The following YEATS2 variants were observed in gnomAD, a reference collection of about 807,000 sequenced individuals.
YEATS2 encodes the protein YEATS domain containing 2.
In YEATS2, 77 loss-of-function variants were observed where a neutral mutation model predicts 163.2. The ratio of observed to expected loss-of-function variants is 0.47; its 90% CI spans 0.39 to 0.57. The LOEUF (loss-of-function observed/expected upper bound fraction) is 0.57, where lower values mean the gene tolerates loss of function less well. YEATS2 is among the 20% of genes least tolerant of loss of function. YEATS2 has a pLI of 0.00. For synonymous variants in YEATS2, 631 were observed against 645.1 expected, an observed-to-expected ratio of 0.98 and a Z score of 0.33; for missense variants, 1,549 against 1,729.8, an observed-to-expected ratio of 0.90 and a Z score of 1.85.
intron 4 of YEATS2, among the ~76,000 whole-genome samples, chr3:183,719,292 T>TG (rs1716249829): frequency 6.6e-6 from 1 of 151,790 alleles, no homozygotes; most frequent in Non-Finnish European, 1.5e-5. Flanking sequence ...TGCGCCACCA[T>TG]GCCTGGCTAA....
At chr3:183,808,876 A>G (rs1479866402) in intron 29 of YEATS2, 4 of 490,276 alleles carry the variant, frequency 8.2e-6, no homozygotes, top group Non-Finnish European at 1.5e-5. Context: ...AATAAATAGA[A>G]TAATGTCTGA....
At chr3:183,773,416 G>C (rs1329585753) in intron 16 of YEATS2, among the ~76,000 whole-genome samples, 1 of 152,158 alleles carries the variant, frequency 6.6e-6, no homozygotes, top group African/African-American at 2.4e-5. Flanking sequence ...CAGATATAAA[G>C]AGCCTCTGGC....
chr3:183,785,916 T>G (rs1449120203), intron 19 of YEATS2, among the ~76,000 whole-genome samples: 10 of 152,224 alleles, frequency 6.6e-5, no homozygotes, highest in Admixed American at 5.2e-4. Context: ...TTACTTGTTC[T>G]ATATTGGGGT....
intron 23 of YEATS2, among the ~76,000 whole-genome samples, chr3:183,800,043 A>G (rs1725520499): frequency 6.6e-6 from 1 of 152,006 alleles, no homozygotes; most frequent in African/African-American, 2.4e-5. Flanking sequence ...CATGTTAGCC[A>G]GGATGGTCTT....
Position 183,756,981 on chromosome 3 carries a change from G to A in YEATS2, c.1552+292G>A, listed in dbSNP as rs201890488. On this transcript the variant is annotated intron_variant, in intron 12 of 30. Transcript: ENST00000305135. ...TTTTGTTTTCATTTGGAAGACTTAC[G>A]CTTTGGGGGACTGTAAGCAATGTGG... 2.2e-4 allele frequency among the ~76,000 whole-genome samples: 34 copies of A among 152,256 alleles called. 1 individual carries two copies. The East Asian group carries it at 6.4e-3, about 28-fold the overall frequency.
intron 8 of YEATS2, among the ~76,000 whole-genome samples, chr3:183,742,596 A>G (rs1050427589): frequency 2.0e-5 from 3 of 152,228 alleles, no homozygotes; most frequent in Admixed American, 2.0e-4. Context: ...AAGCAAAGTA[A>G]GTGGCTTCTT....
chr3:183,789,668 T>C (rs1368114885), intron 20 of YEATS2, among the ~76,000 whole-genome samples: 1 of 150,664 alleles, frequency 6.6e-6, no homozygotes, highest in African/African-American at 2.4e-5. Context: ...CCTGAGTAGC[T>C]GAGATTACAG....
chr3:183,806,726 T>C (rs975235834), intron 27 of YEATS2, 140 bp from the exon 28 acceptor site: 9 of 768,698 alleles, frequency 1.2e-5, no homozygotes, highest in African/African-American at 1.1e-4. Context: ...TCATTATAGA[T>C]CCATAGAATG....
chr3:183,787,342 G>T (rs958062320), intron 20 of YEATS2, among the ~76,000 whole-genome samples: 2 of 151,962 alleles, frequency 1.3e-5, no homozygotes, highest in Non-Finnish European at 2.9e-5. Context: ...GATATACAAG[G>T]GTTCCAGTTT....
At chr3:183,730,070 T>TG (rs1717602691) in intron 7 of YEATS2, among the ~76,000 whole-genome samples, 1 of 114,234 alleles carries the variant, frequency 8.8e-6, no homozygotes, top group Non-Finnish European at 1.8e-5. Flanking sequence ...TTTTTTTTTT[T>TG]TTTTTTTTTT....
intron 1 of YEATS2, among the ~76,000 whole-genome samples, chr3:183,703,448 A>G (rs1240641544): frequency 6.6e-6 from 1 of 152,144 alleles, no homozygotes; most frequent in Admixed American, 6.6e-5. Context: ...CTGTCCTTTA[A>G]TAGAGGTTGG....
chr3:183,759,483 C>T (rs1721119091), intron 13 of YEATS2, among the ~76,000 whole-genome samples: 1 of 152,048 alleles, frequency 6.6e-6, no homozygotes. Context: ...CTTTTGGACA[C>T]CTCTCTCTCT....
intron 12 of YEATS2, among the ~76,000 whole-genome samples, chr3:183,758,066 G>A (rs1328717349): frequency 6.6e-6 from 1 of 152,040 alleles, no homozygotes; most frequent in Non-Finnish European, 1.5e-5. Flanking sequence ...AGTATAAAAT[G>A]TTTAATGTTG....
intron 19 of YEATS2, among the ~76,000 whole-genome samples, chr3:183,778,381 A>G (rs1723226380): frequency 6.6e-6 from 1 of 152,248 alleles, no homozygotes; most frequent in African/African-American, 2.4e-5. Context: ...TTTAGAAGAA[A>G]CAAAGCTTTC....
Position 183,752,123 on chromosome 3 carries a change from T to C in YEATS2, c.1020T>C (p.Tyr340=). The C allele has an allele frequency of 6.2e-7, 1 of 1,614,180 alleles. No individual in the cohort carries two copies. ...HRHSLGEDCI[Y]PQSSESDISD... is the part of the protein sequence containing the mutation. The stretch of plus-strand genomic sequence containing the variant: ...ATTCTCTCGGAGAAGACTGTATCTA[T>C]CCTCAGTCCTCGGAGTCTGACATCT... The change falls in exon 10 of 31, where the codon TAT becomes TAC. Residue 340 remains tyrosine, a synonymous_variant. Transcript: ENST00000305135.
intron 6 of YEATS2, among the ~76,000 whole-genome samples, chr3:183,728,289 G>A (rs560332674): frequency 6.6e-6 from 1 of 152,130 alleles, no homozygotes; most frequent in Non-Finnish European, 1.5e-5. Flanking sequence ...TGAGATTACT[G>A]TCTCACTAAG....
intron 10 of YEATS2, among the ~76,000 whole-genome samples, chr3:183,753,863 A>G (rs540905604): frequency 1.3e-5 from 2 of 152,334 alleles, no homozygotes; most frequent in South Asian, 4.1e-4. Context: ...GAGGAACATA[A>G]GAACTTTTGT....
intron 8 of YEATS2, among the ~76,000 whole-genome samples, chr3:183,741,980 G>A (rs1299946240): frequency 6.6e-6 from 1 of 151,812 alleles, no homozygotes; most frequent in Non-Finnish European, 1.5e-5. Flanking sequence ...AGGCCAAGGA[G>A]GAAGGATTGT....
At chr3:183,703,414 T>G (rs528847545) in intron 1 of YEATS2, among the ~76,000 whole-genome samples, 26 of 152,318 alleles carry the variant, frequency 1.7e-4, no homozygotes, top group African/African-American at 5.3e-4. Context: ...ATCTTCTGTC[T>G]CCTAGAGTTC....
Sources: gnomAD v4.1 joint callset for allele counts (sites outside exome capture counted in the v4.1 genomes callset) on GRCh38, gnomAD v4.1.1 for gene constraint, MANE v1.5 for transcripts, NCBI Gene and HGNC (gene_info 2026-07-23, HGNC 2026-07-21) for gene names.